The following ANKRD31 variants were observed in gnomAD, a reference collection of about 807,000 sequenced individuals.
ANKRD31 encodes ankyrin repeat domain 31.
In ANKRD31, 147 loss-of-function variants were observed where a neutral mutation model predicts 186.0. The ratio of observed to expected loss-of-function variants is 0.79; its 90% CI spans 0.69 to 0.91. The LOEUF is 0.91. ANKRD31 is among the 40% of genes least tolerant of loss of function. The pLI is 0.00. For missense variants in ANKRD31, 1,986 were observed against 2,148.8 expected (o/e 0.92, Z 1.50); for synonymous variants, 673 against 736.4 (o/e 0.91, Z 1.39).
At position 75,138,008 on chromosome 5, in the gene ANKRD31, G is replaced by GAAA; in HGVS notation, c.3734-13_3734-11dup. ...TGAAGTGGTGTCCAACCTAAAAAAA[G>GAAA]AAAAAGAAAAAAAAAAACCCTGCTT... On this transcript the variant is annotated splice_polypyrimidine_tract_variant and intron_variant, in intron 16 of 25. Transcript: ENST00000506364. The GAAA allele has an allele frequency of 2.3e-6, 3 of 1,299,338 alleles. No homozygotes were observed. Among genetic ancestry groups the GAAA allele is most frequent in the African/African-American group, 5.3e-5 (2 of 37,902 alleles). 80.5% of individuals were successfully genotyped at this position (1,299,338 alleles called of 1,614,324 possible). A position where few individuals can be genotyped will look rare whatever the true frequency, so the allele number is the denominator to read the frequency against.
chr5:75,234,087 C>G (rs1439060186), intron 1 of ANKRD31, among the ~76,000 whole-genome samples: 1 of 152,132 alleles, frequency 6.6e-6, no homozygotes, highest in African/African-American at 2.4e-5. Flanking sequence ...CCCTTTATGA[C>G]AGAAAACTAT....
At chr5:75,094,708 G>GAACC (rs1746178013) in intron 22 of ANKRD31, among the ~76,000 whole-genome samples, 1 of 152,004 alleles carries the variant, frequency 6.6e-6, no homozygotes, top group South Asian at 2.1e-4. Flanking sequence ...AAATGTCAAT[G>GAACC]GGTTAGTCAA....
chr5:75,221,487 C>T (rs1339147564), intron 3 of ANKRD31, among the ~76,000 whole-genome samples: 1 of 152,086 alleles, frequency 6.6e-6, no homozygotes, highest in African/African-American at 2.4e-5. Context: ...AGAAGAATCC[C>T]TAATATAAAA....
intron 22 of ANKRD31, among the ~76,000 whole-genome samples, chr5:75,101,546 C>T (rs1746879261): frequency 6.6e-6 from 1 of 152,076 alleles, no homozygotes; most frequent in Admixed American, 6.6e-5. Context: ...ATTCTCCCTC[C>T]CGTCACTTTC....
intron 22 of ANKRD31, 130 bp from the exon 23 acceptor site, chr5:75,091,531 T>G: frequency 1.2e-6 from 1 of 845,404 alleles, no homozygotes; most frequent in Non-Finnish European, 1.8e-6. Context: ...TATATAAATT[T>G]AATGTATCTA....
At chr5:75,106,629 A>G (rs1747348581) in intron 21 of ANKRD31, among the ~76,000 whole-genome samples, 2 of 152,014 alleles carry the variant, frequency 1.3e-5, no homozygotes, top group African/African-American at 2.4e-5. Context: ...ATTGATCAGG[A>G]ACTTTTGAAA....
At position 75,146,247 on chromosome 5, in the gene ANKRD31, T is replaced by G; in HGVS notation, c.3164A>C (p.Glu1055Ala). 4.6e-6 allele frequency: 7 copies of G among 1,536,486 alleles called. No individual in the cohort carries two copies. The highest frequency in any genetic ancestry group is 6.1e-6 in the Non-Finnish European group (7 of 1,146,434). ...AGTGTCACAATTCTTTGCCATCTTT[T>G]CCACAATATGTGTATCTGTTTGATT... Reference protein sequence around the residue: ...LMNQTDTHIVEKMAKNCDTER... With the variant: ...LMNQTDTHIVAKMAKNCDTER... Residue 1055 changes from glutamate (E) to alanine (A), a missense_variant, in exon 14 of 26, where the codon GAA (glutamate) becomes GCA (alanine). Glu to Ala is a moderately radical substitution (Grantham distance 107). Coordinates refer to ENST00000506364, the MANE Select transcript of ANKRD31 (RefSeq NM_001372053.1).
At position 75,236,824 on chromosome 5, in the gene ANKRD31, C is replaced by T. The variant is rs1222466942; in HGVS notation, c.-138G>A. On this transcript the variant is annotated 5_prime_UTR_variant, in exon 1 of 26. Coordinates refer to ENST00000506364, the MANE Select transcript of ANKRD31 (RefSeq NM_001372053.1). ...AATCGCAGCAGGAGCCGGGACTTGT[C>T]GCAGGGCTGCTGAGGAGGACGCAGG... 3 of 746,282 alleles carry T rather than the reference C, an allele frequency of 4.0e-6. No homozygotes were observed. Among genetic ancestry groups the T allele is most frequent in the African/African-American group, 3.7e-5 (2 of 54,494 alleles). 46.2% of individuals were successfully genotyped at this position (746,282 alleles called of 1,614,324 possible).
intron 25 of ANKRD31, among the ~76,000 whole-genome samples, chr5:75,076,580 A>C (rs1425847592): frequency 2.0e-5 from 3 of 152,218 alleles, no homozygotes; most frequent in African/African-American, 7.2e-5. Flanking sequence ...TGGAGGTTTC[A>C]TTAAGTAGGC....
chr5:75,083,609 A>T (rs984683023), intron 24 of ANKRD31, among the ~76,000 whole-genome samples: 9 of 152,120 alleles, frequency 5.9e-5, no homozygotes, highest in Admixed American at 1.3e-4. Flanking sequence ...GTGCACCTGT[A>T]ATCCCAGCTA....
chr5:75,186,984 T>C (rs1754757567), intron 10 of ANKRD31, among the ~76,000 whole-genome samples: 1 of 151,794 alleles, frequency 6.6e-6, no homozygotes, highest in Admixed American at 6.6e-5. Flanking sequence ...AGAGGTCATA[T>C]AGCTGAGAGA....
chr5:75,081,759 GGAGA>G (rs148500356), intron 24 of ANKRD31, among the ~76,000 whole-genome samples: 4 of 150,418 alleles, frequency 2.7e-5, no homozygotes, highest in African/African-American at 7.3e-5. Flanking sequence ...CAACGGGGGC[GGAGA>G]GAGAGAGAGA....
intron 12 of ANKRD31, 96 bp downstream of exon 12, chr5:75,154,105 C>T: frequency 1.7e-6 from 2 of 1,196,028 alleles, no homozygotes; most frequent in Non-Finnish European, 2.2e-6. Context: ...TCTCAACACT[C>T]ATGAGAAAAA....
Position 75,068,517 on chromosome 5 carries a change from T to C in ANKRD31, c.*2A>G. ...CCAATAAAATATTAAGAAACCAAGG[T>C]TTTAGGGTGTTAGTTCCTCACATTC... is the stretch of plus-strand genomic sequence containing the variant. On this transcript the variant is annotated 3_prime_UTR_variant, in exon 26 of 26. Transcript: ENST00000506364. The C allele has an allele frequency of 6.7e-7, 1 of 1,484,722 alleles. No homozygotes were observed. The highest frequency in any genetic ancestry group is 8.9e-7 in the Non-Finnish European group (1 of 1,124,904). The allele number at this position is 1,484,722 out of a possible 1,614,324, so 92.0% of individuals were successfully genotyped here.
At chr5:75,088,734 C>T (rs759953197) in intron 23 of ANKRD31, among the ~76,000 whole-genome samples, 1 of 152,202 alleles carries the variant, frequency 6.6e-6, no homozygotes, top group Non-Finnish European at 1.5e-5. Context: ...GAGGCTAAAT[C>T]AGGTCACTTA....
chr5:75,087,306 G>A (rs1745572038), intron 23 of ANKRD31, among the ~76,000 whole-genome samples: 1 of 152,086 alleles, frequency 6.6e-6, no homozygotes, highest in Admixed American at 6.5e-5. Context: ...GAGGTCAGGA[G>A]TTTGAGCCTG....
chr5:75,225,974 T>C (rs1409963135), intron 2 of ANKRD31, among the ~76,000 whole-genome samples: 1 of 152,168 alleles, frequency 6.6e-6, no homozygotes, highest in African/African-American at 2.4e-5. Context: ...CACCACAAGC[T>C]GACTGAAGAG....
At chr5:75,126,732 A>G (rs1465876943) in intron 17 of ANKRD31, among the ~76,000 whole-genome samples, 2 of 152,200 alleles carry the variant, frequency 1.3e-5, no homozygotes, top group Non-Finnish European at 1.5e-5. Flanking sequence ...ATAATAGCTG[A>G]AAAGTTCCCA....
chr5:75,135,967 C>T (rs1380368589), intron 17 of ANKRD31, among the ~76,000 whole-genome samples: 6 of 152,152 alleles, frequency 3.9e-5, no homozygotes, highest in African/African-American at 1.4e-4. Flanking sequence ...TAGCCATATG[C>T]AGAAAGCTGA....
Sources: gnomAD v4.1 joint callset for allele counts (sites outside exome capture counted in the v4.1 genomes callset) on GRCh38, gnomAD v4.1.1 for gene constraint, MANE v1.5 for transcripts, NCBI Gene and HGNC (gene_info 2026-07-23, HGNC 2026-07-21) for gene names.